The following LSM5 variants were observed in gnomAD, a reference collection of about 807,000 sequenced individuals.
LSM5 encodes the protein LSM5 homolog, U6 small nuclear RNA and mRNA degradation associated.
Under a neutral mutation model 13.8 loss-of-function variants are expected in LSM5, and 8 were observed. The ratio of observed to expected loss-of-function variants is 0.58; its 90% CI spans 0.34 to 1.04. The LOEUF (loss-of-function observed/expected upper bound fraction) is 1.04, where lower values mean the gene tolerates loss of function less well. Among genes scored for constraint, LSM5 ranks in the 50% least tolerant of loss-of-function variants. The pLI is 0.03. For synonymous variants in LSM5, 35 were observed against 37.0 expected (o/e 0.95, Z 0.20); for missense variants, 80 against 108.1 (o/e 0.74, Z 1.15).
rs10598963 is a variant in LSM5 at position 32,485,942 on chromosome 7, CAAAAAAAAAAAAAA to C, written c.*1305_*1318del. On this transcript the variant is annotated 3_prime_UTR_variant, in exon 5 of 5. Coordinates refer to ENST00000450169, the MANE Select transcript of LSM5 (RefSeq NM_012322.3). ...GCCACTGCATTCCAGTGAGACTCTC[CAAAAAAAAAAAAAA>C]AAAAAAAAAAAGGAAAAGAAAACTT... is the stretch of plus-strand genomic sequence containing the variant. 3 of 114,540 alleles carry C rather than the reference CAAAAAAAAAAAAAA, an allele frequency of 2.6e-5. No individual in the cohort carries two copies. In the South Asian group the frequency reaches 9.1e-4, roughly 35 times the overall value. 7.1% of individuals were successfully genotyped at this position (114,540 alleles called of 1,614,324 possible). A position where few individuals can be genotyped will look rare whatever the true frequency, so the allele number is the denominator to read the frequency against.
At position 32,489,339 on chromosome 7, in the gene LSM5, C is replaced by T; in HGVS notation, c.52G>A (p.Val18Met). Residue 18 changes from valine (V) to methionine (M), a missense_variant, in exon 2 of 5, where the codon GTG becomes ATG. Val to Met is a conservative substitution (Grantham distance 21, BLOSUM62 1). Coordinates refer to ENST00000450169, the MANE Select transcript of LSM5 (RefSeq NM_012322.3). ...ATTCTTGATCCTATACATTTGTCCA[C>T]AAGCTCTGAGGAGGGAAAAAATATT... Reference protein sequence around the residue: ...NPSQLLPLELVDKCIGSRIHI... With the variant: ...NPSQLLPLELMDKCIGSRIHI... 6.3e-7 allele frequency: 1 copy of T among 1,584,512 alleles called. No individual in the cohort carries two copies. The highest frequency in any genetic ancestry group is 8.6e-7 in the Non-Finnish European group (1 of 1,158,196).
Position 32,487,785 on chromosome 7 carries a change from GACAA to G in LSM5, c.171-32_171-29del, listed in dbSNP as rs1215069082. ...AAATGAATAGATAAAATACAGTCAG[GACAA>G]ACAGTGAAAATCAAAGCCAACATTT... On this transcript the variant is annotated intron_variant, in intron 3 of 4. Transcript: ENST00000450169. 4.3e-6 allele frequency: 5 copies of G among 1,157,826 alleles called. No homozygotes were observed. The African/African-American group carries it at 7.6e-5, about 18-fold the overall frequency. The allele number at this position is 1,157,826 out of a possible 1,614,324, so 71.7% of individuals were successfully genotyped here.
Position 32,485,868 on chromosome 7 carries a change from G to A in LSM5, c.*1393C>T, listed in dbSNP as rs1426040821. The A allele has an allele frequency of 6.7e-6, 1 of 149,592 alleles. No individual in the cohort carries two copies. Among genetic ancestry groups the A allele is most frequent in the Non-Finnish European group, 1.5e-5 (1 of 67,836 alleles). 9.3% of individuals were successfully genotyped at this position (149,592 alleles called of 1,614,324 possible). On this transcript the variant is annotated 3_prime_UTR_variant, in exon 5 of 5. Coordinates refer to ENST00000450169, the MANE Select transcript of LSM5 (RefSeq NM_012322.3). ...GGGAGGCGGAGGTCGCGTTGATATCGCGACAAGGCACACCAGCCTGACTGG... is the reference window on the plus strand; with the variant it reads ...GGGAGGCGGAGGTCGCGTTGATATCACGACAAGGCACACCAGCCTGACTGG...
In LSM5 at chr7:32,490,239, G is replaced by A. The variant is rs762885102; in HGVS notation, c.46+81C>T. 26 of 1,613,128 alleles carry A rather than the reference G, an allele frequency of 1.6e-5. No individual in the cohort carries two copies. The African/African-American group carries it at 3.2e-4, about 20-fold the overall frequency. ...TTATACATTTCCCCACACTCGGCCA[G>A]GGCCTGCCTCGGAACAGCCCCTCGG... On this transcript the variant is annotated intron_variant, in intron 1 of 4. Coordinates refer to ENST00000450169, the MANE Select transcript of LSM5 (RefSeq NM_012322.3).
intron 1 of LSM5, 30 bp from the exon 2 acceptor site, chr7:32,489,374 T>C (rs1013206510): frequency 7.1e-6 from 9 of 1,262,628 alleles, no homozygotes; most frequent in Non-Finnish European, 9.2e-6. Context: ...TATTTTACCA[T>C]TCATTATTTC....
At chr7:32,493,547 TTTA>T (rs1381634644), upstream of LSM5, among the ~76,000 whole-genome samples, 15 of 151,320 alleles carry the variant, frequency 9.9e-5, no homozygotes, top group Middle Eastern at 3.4e-3. Flanking sequence ...TCTCCCTTTC[TTTA>T]TTTTTTTGAG....
At chr7:32,492,976 A>T (rs1786625890), upstream of LSM5, among the ~76,000 whole-genome samples, 1 of 152,210 alleles carries the variant, frequency 6.6e-6, no homozygotes, top group African/African-American at 2.4e-5. Context: ...TATCTTGTTA[A>T]TGAATTTATT....
chr7:32,491,798 A>G (rs995137052), upstream of LSM5, among the ~76,000 whole-genome samples: 3 of 152,220 alleles, frequency 2.0e-5, no homozygotes, highest in Admixed American at 2.0e-4. Flanking sequence ...TTTCTAATAC[A>G]TGATGTCTGG....
chr7:32,487,206 A>C lies in LSM5; in HGVS notation c.*55T>G. ...ATTAGAAAGTGGGAAAAAAAATTCC[A>C]TTTTCTTGTCATTATAAGCCAAAAC... On this transcript the variant is annotated 3_prime_UTR_variant, in exon 5 of 5. Transcript: ENST00000450169. 1 of 1,535,056 alleles carries C rather than the reference A, an allele frequency of 6.5e-7. No individual in the cohort carries two copies. Among genetic ancestry groups the C allele is most frequent in the African/African-American group, 1.4e-5 (1 of 73,040 alleles).
intron 2 of LSM5, 165 bp downstream of exon 2, chr7:32,489,084 T>C (rs1319809526): frequency 5.0e-5 from 28 of 563,848 alleles, no homozygotes; most frequent in Non-Finnish European, 8.2e-5. Context: ...TTGTTGTTGA[T>C]AGGAACTTTA....
upstream of LSM5, chr7:32,490,606 GA>G: frequency 1.8e-6 from 1 of 558,536 alleles, no homozygotes. Context: ...AAGTTTTGGA[GA>G]GACGTTGAAG....
intron 1 of LSM5, 137 bp downstream of exon 1, chr7:32,490,183 C>T (rs1786545006): frequency 3.8e-6 from 6 of 1,564,558 alleles, no homozygotes; most frequent in Non-Finnish European, 5.2e-6. Context: ...GTCGCGAAGA[C>T]TTGGAGCTCA....
rs1222473652 is a variant in LSM5 at position 32,486,115 on chromosome 7, C to T, written c.*1146G>A. The T allele has an allele frequency of 6.6e-6, 1 of 152,088 alleles. No homozygotes were observed. The highest frequency in any genetic ancestry group is 2.4e-5 in the African/African-American group (1 of 41,408). The allele number at this position is 152,088 out of a possible 1,614,324, so 9.4% of individuals were successfully genotyped here. A position where few individuals can be genotyped will look rare whatever the true frequency, so the allele number is the denominator to read the frequency against. On this transcript the variant is annotated 3_prime_UTR_variant, in exon 5 of 5. Transcript: ENST00000450169. ...TACATTGGCACAAACTTTTTCTTGG[C>T]AACACAATATATACCCTTTGATCTT...
upstream of LSM5, among the ~76,000 whole-genome samples, chr7:32,492,337 A>G (rs1786613940): frequency 1.3e-5 from 2 of 152,218 alleles, no homozygotes. Flanking sequence ...ATCCTGGCCA[A>G]CATGGTGAAA....
intron 1 of LSM5, chr7:32,489,728 T>A (rs1360120131): frequency 6.8e-6 from 2 of 295,678 alleles, no homozygotes; most frequent in African/African-American, 4.4e-5. Context: ...TTAGCTAGCC[T>A]AGCATTATGT....
At chr7:32,490,194 G>C (rs1786545490) in intron 1 of LSM5, 126 bp downstream of exon 1, 1 of 1,575,608 alleles carries the variant, frequency 6.3e-7, no homozygotes, top group African/African-American at 1.4e-5. Flanking sequence ...TTGGAGCTCA[G>C]AGTCGAACCG....
chr7:32,490,190 C>G, intron 1 of LSM5, 130 bp downstream of exon 1: 1 of 1,570,298 alleles, frequency 6.4e-7, no homozygotes, highest in South Asian at 1.2e-5. Context: ...AGACTTGGAG[C>G]TCAGAGTCGA....
upstream of LSM5, among the ~76,000 whole-genome samples, chr7:32,493,222 C>T (rs114841552): frequency 0.015 from 2,255 of 152,294 alleles, 59 homozygotes; most frequent in African/African-American, 0.05. Context: ...AAGCAATCCT[C>T]CCATCTCAGC....
At chr7:32,487,512 G>A in intron 4 of LSM5, 173 bp downstream of exon 4, 1 of 667,174 alleles carries the variant, frequency 1.5e-6, no homozygotes, top group Non-Finnish European at 2.7e-6. Context: ...TAGACCCAAT[G>A]CCTCTTCAAT....
Sources: gnomAD v4.1 joint callset for allele counts (sites outside exome capture counted in the v4.1 genomes callset) on GRCh38, gnomAD v4.1.1 for gene constraint, MANE v1.5 for transcripts, NCBI Gene and HGNC (gene_info 2026-07-23, HGNC 2026-07-21) for gene names.